Variants in ETS1 observed in about 807,000 individuals in gnomAD.
ETS1 encodes the protein ETS proto-oncogene 1, transcription factor.
ETS1 carries 15 observed loss-of-function variants against 58.6 expected under a neutral mutation model. The observed-to-expected ratio is 0.26, with a 90% CI of 0.17 to 0.39. ETS1 has a LOEUF of 0.39. Among genes scored for constraint, ETS1 ranks in the 10% least tolerant of loss-of-function variants. The pLI, the probability that ETS1 is intolerant of heterozygous loss-of-function variation, is 1.00. For missense variants in ETS1, 417 were observed against 610.5 expected (o/e 0.68, Z 3.34); for synonymous variants, 214 against 218.2 (o/e 0.98, Z 0.17).
intron 2 of ETS1, chr11:128,571,761 G>A (rs1208211904): frequency 1.3e-5 from 2 of 152,052 alleles, no homozygotes; most frequent in African/African-American, 2.4e-5. Flanking sequence ...ACTTATTTGC[G>A]ACTGGGCTCA....
chr11:128,486,833 A>C (rs4628683), intron 5 of ETS1, among the ~76,000 whole-genome samples: 48,197 of 152,140 alleles, frequency 0.32, 7,998 homozygotes, highest in Admixed American at 0.44. Flanking sequence ...GAAAGCTCTG[A>C]ACGACCCTGC....
At chr11:128,535,190 T>C (rs944614498) in intron 3 of ETS1, among the ~76,000 whole-genome samples, 1 of 152,222 alleles carries the variant, frequency 6.6e-6, no homozygotes, top group African/African-American at 2.4e-5. Flanking sequence ...GATGTTGAGC[T>C]TTATGTCATA....
At chr11:128,522,443 C>T (rs1376145295) in intron 3 of ETS1, 3 of 694,176 alleles carry the variant, frequency 4.3e-6, no homozygotes, top group East Asian at 2.6e-4. Context: ...GAGCGAGGGG[C>T]GGGGCGTCGG....
intron 1 of ETS1, among the ~76,000 whole-genome samples, chr11:128,573,972 G>A (rs1453715239): frequency 2.0e-5 from 3 of 152,296 alleles, no homozygotes; most frequent in African/African-American, 4.8e-5. Flanking sequence ...AGGAAGTGAC[G>A]CTTTAACTTC....
intron 8 of ETS1, among the ~76,000 whole-genome samples, chr11:128,465,683 G>A (rs4937334): frequency 0.22 from 33,047 of 152,114 alleles, 3,881 homozygotes; most frequent in African/African-American, 0.23. Context: ...TGTAAAAGAA[G>A]CCTCGGAGGA....
intron 8 of ETS1, among the ~76,000 whole-genome samples, chr11:128,473,963 G>A (rs557305963): frequency 6.6e-6 from 1 of 152,322 alleles, no homozygotes; most frequent in African/African-American, 2.4e-5. Context: ...TCTGCTCAGT[G>A]GAAACATTTT....
chr11:128,466,781 T>G (rs1862048992), intron 8 of ETS1, among the ~76,000 whole-genome samples: 1 of 151,968 alleles, frequency 6.6e-6, no homozygotes, highest in Non-Finnish European at 1.5e-5. Context: ...CTTTTTTTTT[T>G]CTGTTTACAC....
intron 7 of ETS1, among the ~76,000 whole-genome samples, chr11:128,482,568 A>T (rs1396610892): frequency 6.6e-6 from 1 of 152,090 alleles, no homozygotes; most frequent in Non-Finnish European, 1.5e-5. Flanking sequence ...GTCTCTGGCA[A>T]CCCCCCAAAC....
chr11:128,554,852 C>T (rs949938996), intron 3 of ETS1, among the ~76,000 whole-genome samples: 2 of 152,144 alleles, frequency 1.3e-5, no homozygotes, highest in African/African-American at 4.8e-5. Context: ...TTTGCTTATA[C>T]AAACAAAACC....
chr11:128,566,745 T>C (rs868664827), intron 2 of ETS1, among the ~76,000 whole-genome samples: 2 of 148,188 alleles, frequency 1.3e-5, no homozygotes, highest in African/African-American at 5.0e-5. Context: ...AGGGCGCCAC[T>C]GCACTCCAGC....
intron 3 of ETS1, among the ~76,000 whole-genome samples, chr11:128,547,081 G>A (rs1210511484): frequency 6.6e-6 from 1 of 152,190 alleles, no homozygotes; most frequent in Non-Finnish European, 1.5e-5. Context: ...TTCTGTCTCA[G>A]AGACAATGGA....
At chr11:128,532,012 T>A (rs139277234) in intron 3 of ETS1, among the ~76,000 whole-genome samples, 81 of 152,320 alleles carry the variant, frequency 5.3e-4, no homozygotes, top group Non-Finnish European at 1.0e-3. Context: ...ACAGTTCTTG[T>A]TGTTTTTGTT....
intron 3 of ETS1, among the ~76,000 whole-genome samples, chr11:128,528,803 G>T (rs191987552): frequency 1.3e-5 from 2 of 152,254 alleles, no homozygotes; most frequent in Admixed American, 6.5e-5. Context: ...AACTAAAAAG[G>T]TCTTCGTAAA....
At chr11:128,543,671 T>C (rs1053369371) in intron 3 of ETS1, among the ~76,000 whole-genome samples, 1 of 152,244 alleles carries the variant, frequency 6.6e-6, no homozygotes, top group African/African-American at 2.4e-5. Flanking sequence ...TCCCACTCAA[T>C]AATTTCCTAA....
At chr11:128,522,065 G>A (rs1317735453) in intron 3 of ETS1, 2 of 1,455,438 alleles carry the variant, frequency 1.4e-6, no homozygotes, top group Non-Finnish European at 1.8e-6. Flanking sequence ...TTTTAATGAG[G>A]ATTAGTAACA....
intron 2 of ETS1, among the ~76,000 whole-genome samples, chr11:128,563,574 TCCA>T (rs1864440072): frequency 6.6e-6 from 1 of 152,200 alleles, no homozygotes; most frequent in South Asian, 2.1e-4. Flanking sequence ...TGCTGATCCA[TCCA>T]CATTCTTTCT....
At chr11:128,498,968 A>T (rs950430811) in intron 3 of ETS1, among the ~76,000 whole-genome samples, 4 of 152,206 alleles carry the variant, frequency 2.6e-5, no homozygotes, top group Non-Finnish European at 5.9e-5. Flanking sequence ...ACACAGAGCC[A>T]TGGTCTCTAC....
chr11:128,478,713 G>C (rs1862401742), intron 8 of ETS1, among the ~76,000 whole-genome samples: 1 of 152,126 alleles, frequency 6.6e-6, no homozygotes, highest in South Asian at 2.1e-4. Context: ...CTGCAGTCTA[G>C]TTCTTTAACC....
chr11:128,498,503 A>G (rs1445644761), intron 3 of ETS1, among the ~76,000 whole-genome samples: 7 of 152,230 alleles, frequency 4.6e-5, no homozygotes, highest in Non-Finnish European at 1.0e-4. Flanking sequence ...AGCATCTAAA[A>G]TATGTTTGCC....
Sources: allele counts gnomAD v4.1 joint callset (sites outside exome capture counted in the v4.1 genomes callset), GRCh38; gene constraint gnomAD v4.1.1; transcripts MANE v1.5; gene names NCBI Gene and HGNC (gene_info 2026-07-23, HGNC 2026-07-21).